The following FBN2 variants were observed in gnomAD, a reference collection of about 807,000 sequenced individuals.
The protein encoded by FBN2 is fibrillin 2, also known as fibrillin-2.
In FBN2, 105 loss-of-function variants were observed where a neutral mutation model predicts 355.6. The observed-to-expected ratio is 0.30, with a 90% CI of 0.25 to 0.35. FBN2 has a LOEUF of 0.35. Ranked by LOEUF, FBN2 falls within the 10% of genes least tolerant of loss-of-function variation. FBN2 has a pLI of 1.00. For synonymous variants in FBN2, 1,350 were observed against 1,301.2 expected (o/e 1.04, Z -0.81); for missense variants, 3,280 against 3,758.7 (o/e 0.87, Z 3.33).
At chr5:128,489,199 G>A (rs1208919638) in intron 5 of FBN2, among the ~76,000 whole-genome samples, 2 of 151,986 alleles carry the variant, frequency 1.3e-5, no homozygotes, top group Non-Finnish European at 1.5e-5. Flanking sequence ...ATTCTAACTG[G>A]CCAGTTCTAA....
In FBN2 at chr5:128,402,205, A is replaced by C. The variant is rs184531914; in HGVS notation, c.1078+6469T>G. Among the ~76,000 whole-genome samples, 319 of 152,328 alleles carry C rather than the reference A, an allele frequency of 2.1e-3. 3 individuals are homozygous for C. The highest frequency in any genetic ancestry group is 6.9e-3 in the African/African-American group (288 of 41,574). On this transcript the variant is annotated intron_variant, in intron 8 of 64. Coordinates refer to ENST00000262464, the MANE Select transcript of FBN2 (RefSeq NM_001999.4). ...TAAAAAAGAGGCACCTGTTAGAAAC[A>C]AGAGTTGTCCAGGCACACTATTCCT...
intron 15 of FBN2, among the ~76,000 whole-genome samples, chr5:128,371,724 G>C (rs1484657551): frequency 2.0e-5 from 3 of 151,990 alleles, no homozygotes; most frequent in Non-Finnish European, 4.4e-5. Context: ...GTAGAGATGG[G>C]GTTTAACCAT....
At chr5:128,392,234 T>C in intron 10 of FBN2, 79 bp from the exon 11 acceptor site, 1 of 1,223,530 alleles carries the variant, frequency 8.2e-7, no homozygotes, top group South Asian at 1.2e-5. Flanking sequence ...AAAGGACATT[T>C]AATAGTAAAT....
rs372107373 is a variant in FBN2 at position 128,375,858 on chromosome 5, A to G, written c.1972+873T>C. Reference sequence around the variant, plus strand: ...TGAGACCAGCCTGAGCAACATAGTGAGACCTCATTTCCACAAAAAATAAAA... The same window carrying G: ...TGAGACCAGCCTGAGCAACATAGTGGGACCTCATTTCCACAAAAAATAAAA... On this transcript the variant is annotated intron_variant, in intron 14 of 64. Coordinates refer to ENST00000262464, the MANE Select transcript of FBN2 (RefSeq NM_001999.4). 9.1e-4 allele frequency among the ~76,000 whole-genome samples: 139 copies of G among 152,096 alleles called. 1 individual carries two copies. The highest frequency in any genetic ancestry group is 3.0e-3 in the African/African-American group (125 of 41,486).
chr5:128,512,695 C>G (rs1489404850), intron 5 of FBN2, among the ~76,000 whole-genome samples: 1 of 152,086 alleles, frequency 6.6e-6, no homozygotes, highest in African/African-American at 2.4e-5. Context: ...AGTCTTTCCA[C>G]TGTCAATAAA....
intron 30 of FBN2, 76 bp from the exon 31 acceptor site, chr5:128,334,920 A>G (rs558291975): frequency 3.0e-6 from 4 of 1,337,886 alleles, no homozygotes; most frequent in Non-Finnish European, 4.3e-6. Context: ...ACTGAATAGC[A>G]TAATACTGAA....
chr5:128,522,206 G>A (rs973542051), intron 4 of FBN2, among the ~76,000 whole-genome samples: 1 of 152,102 alleles, frequency 6.6e-6, no homozygotes, highest in African/African-American at 2.4e-5. Context: ...TGTGAGAGTG[G>A]GTTCCCCCAG....
At chr5:128,482,071 G>C (rs776887762) in intron 5 of FBN2, among the ~76,000 whole-genome samples, 2 of 152,072 alleles carry the variant, frequency 1.3e-5, no homozygotes, top group Admixed American at 6.6e-5. Flanking sequence ...TTCTAACATT[G>C]TTTTCAATAT....
rs199587570 is a variant in FBN2, at chr5:128,392,095, C to A, written c.1526G>T (p.Arg509Leu). Residue 509 changes from arginine (R) to leucine (L), a missense_variant, in exon 11 of 65, where the codon CGC becomes CTC. By Grantham distance (102) the Arg-to-Leu change is moderately radical. This residue lies in a region of FBN2 where 2,284 missense variants were observed against 2,749.5 expected (regional missense o/e 0.83). Coordinates refer to ENST00000262464, the MANE Select transcript of FBN2 (RefSeq NM_001999.4). ...KHHANLCLNGRCIPTVSSYRC... is the reference protein window; with the variant it reads ...KHHANLCLNGLCIPTVSSYRC... ...GTAGCTTGAGACAGTTGGTATACAG[C>A]GTCCATTTAAACAAAGGTTAGCATG... The A allele has an allele frequency of 6.8e-6, 11 of 1,613,128 alleles. No individual in the cohort carries two copies. Among genetic ancestry groups the A allele is most frequent in the African/African-American group, 1.3e-5 (1 of 74,892 alleles).
intron 24 of FBN2, 27 bp from the exon 25 acceptor site, chr5:128,344,537 A>G (rs1196079724): frequency 6.2e-7 from 1 of 1,612,056 alleles, no homozygotes; most frequent in East Asian, 2.2e-5. Context: ...GCCAGAATGT[A>G]GAGCCGGTTG....
At chr5:128,492,715 T>C (rs557350146) in intron 5 of FBN2, among the ~76,000 whole-genome samples, 1 of 145,916 alleles carries the variant, frequency 6.9e-6, no homozygotes, top group African/African-American at 2.6e-5. Context: ...AGGCAGGAGA[T>C]TCACTTGAAC....
Position 128,310,402 on chromosome 5 carries a change from ATTTTTTTTTTTTTT to A in FBN2, c.5075-308_5075-295del, listed in dbSNP as rs199690802. Among the ~76,000 whole-genome samples, 6 of 23,300 alleles carry A rather than the reference ATTTTTTTTTTTTTT, an allele frequency of 2.6e-4. No homozygotes were observed. The East Asian group carries it at 6.8e-3, about 27-fold the overall frequency. The allele number at this position is 23,300 out of a possible 152,430, so 15.3% of individuals were successfully genotyped here. A position where few individuals can be genotyped will look rare whatever the true frequency, so the allele number is the denominator to read the frequency against. On this transcript the variant is annotated intron_variant, in intron 39 of 64. Transcript: ENST00000262464. The stretch of plus-strand genomic sequence containing the variant: ...TATATATATATATATATATATATAT[ATTTTTTTTTTTTTT>A]TTTTTATTGCAATTCGCATTCTTCA...
intron 5 of FBN2, among the ~76,000 whole-genome samples, chr5:128,496,096 A>G (rs990369599): frequency 6.6e-6 from 1 of 152,178 alleles, no homozygotes; most frequent in African/African-American, 2.4e-5. Flanking sequence ...TTACTGGTAA[A>G]TTCTACCAAA....
chr5:128,259,857 G>C (rs748180730), intron 64 of FBN2, 28 bp from the exon 65 acceptor site: 1 of 1,612,248 alleles, frequency 6.2e-7, no homozygotes, highest in Non-Finnish European at 8.5e-7. Context: ...AATGATTTGG[G>C]ACAAGCTTCT....
Position 128,530,633 on chromosome 5 carries a change from G to A in FBN2, c.398C>T (p.Ser133Phe), listed in dbSNP as rs771335784. Residue 133 changes from serine (S) to phenylalanine (F), a missense_variant, in exon 3 of 65, where the codon TCC (serine) becomes TTC (phenylalanine). Coordinates refer to ENST00000262464, the MANE Select transcript of FBN2 (RefSeq NM_001999.4). Reference protein sequence around the residue: ...FCSRPNMCTCSSGQISSTCGS... With the variant: ...FCSRPNMCTCFSGQISSTCGS... ...ACAGGTTGATGATATTTGCCCACTG[G>A]AACAAGTACACATGTTAGGACGGGA... 6.2e-7 allele frequency: 1 copy of A among 1,613,092 alleles called. No individual in the cohort carries two copies. Among genetic ancestry groups the A allele is most frequent in the Non-Finnish European group, 8.5e-7 (1 of 1,179,256 alleles).
chr5:128,355,733 A>G (rs928545653), intron 20 of FBN2, among the ~76,000 whole-genome samples: 30 of 152,184 alleles, frequency 2.0e-4, no homozygotes, highest in Admixed American at 6.5e-4. Flanking sequence ...TAATGTCTAA[A>G]CTTTAAAAAT....
Position 128,330,087 on chromosome 5 carries a change from G to C in FBN2, c.4345+486C>G, listed in dbSNP as rs908200916. ...ACATTAAATAGCAGTGATTGGATAG[G>C]TCATATATCCTATCTTAAAAAGCTG... On this transcript the variant is annotated intron_variant, in intron 33 of 64. Coordinates refer to ENST00000262464, the MANE Select transcript of FBN2 (RefSeq NM_001999.4). 2.6e-5 allele frequency among the ~76,000 whole-genome samples: 4 copies of C among 152,242 alleles called. No individual in the cohort carries two copies. In the East Asian group the frequency reaches 7.7e-4, roughly 29 times the overall value.
rs542135262 is a variant in FBN2 at position 128,299,787 on chromosome 5, G to A, written c.6166+1030C>T. Among the ~76,000 whole-genome samples the A allele has an allele frequency of 5.9e-5, 9 of 152,232 alleles. No individual in the cohort carries two copies. In the South Asian group the frequency reaches 1.2e-3, roughly 21 times the overall value. ...AATGCAGAAATCACCCGTCTTCTCC[G>A]TCACTCATGCTGGGAGCTGTAGACC... On this transcript the variant is annotated intron_variant, in intron 48 of 64. Transcript: ENST00000262464.
chr5:128,450,823 T>A (rs1375465429), intron 6 of FBN2, among the ~76,000 whole-genome samples: 2 of 152,078 alleles, frequency 1.3e-5, no homozygotes, highest in African/African-American at 2.4e-5. Context: ...TTTGTTACAC[T>A]CTCTTCAAAC....
Sources: allele counts gnomAD v4.1 joint callset (sites outside exome capture counted in the v4.1 genomes callset), GRCh38; gene constraint gnomAD v4.1.1; regional missense constraint gnomAD v4.1.1; transcripts MANE v1.5; gene names NCBI Gene and HGNC (gene_info 2026-07-23, HGNC 2026-07-21).